Variants in SFRP1 observed in about 807,000 individuals in gnomAD.
SFRP1 encodes secreted frizzled-related protein 1.
Under a neutral mutation model 25.9 loss-of-function variants are expected in SFRP1, and 9 were observed. That is an observed-to-expected ratio of 0.35 (90% CI 0.21 to 0.61). The LOEUF is 0.61. Ranked by LOEUF, SFRP1 falls within the 20% of genes least tolerant of loss-of-function variation. The probability of loss-of-function intolerance (pLI) is 0.78; values close to 1 mark genes in which losing one functional copy is unlikely to be tolerated. For synonymous variants in SFRP1, 178 were observed against 174.0 expected (o/e 1.02, Z -0.18); for missense variants, 346 against 418.2 (o/e 0.83, Z 1.51).
intron 1 of SFRP1, among the ~76,000 whole-genome samples, chr8:41,303,805 G>A (rs1803959168): frequency 6.6e-6 from 1 of 152,194 alleles, no homozygotes; most frequent in Non-Finnish European, 1.5e-5. Flanking sequence ...CTGGGTGGGT[G>A]CAGGTCACAT....
chr8:41,307,696 A>T (rs1013228787), intron 1 of SFRP1, among the ~76,000 whole-genome samples: 5 of 152,010 alleles, frequency 3.3e-5, no homozygotes, highest in African/African-American at 1.2e-4. Context: ...TTTTATCTTT[A>T]TATCTATTTC....
intron 1 of SFRP1, chr8:41,306,680 T>A (rs781567923): frequency 4.4e-6 from 7 of 1,587,410 alleles, no homozygotes; most frequent in Non-Finnish European, 6.0e-6. Flanking sequence ...CTCCCCACTT[T>A]TCTCTTTGCT....
intron 2 of SFRP1, among the ~76,000 whole-genome samples, chr8:41,297,051 T>G (rs1036291758): frequency 8.5e-5 from 13 of 152,206 alleles, no homozygotes; most frequent in Non-Finnish European, 1.0e-4. Flanking sequence ...TTGTGGGTTT[T>G]GTTTTGTTTT....
rs557789730 is a variant in SFRP1 at position 41,306,617 on chromosome 8, A to G, written c.544+1999T>C. Reference sequence around the variant, plus strand: ...GTGCCATCTCAGGGCAGAGCCCCCCACCAAAACCACTGAGGGGAAAACCAG... The same window carrying G: ...GTGCCATCTCAGGGCAGAGCCCCCCGCCAAAACCACTGAGGGGAAAACCAG... On this transcript the variant is annotated intron_variant, in intron 1 of 2. Transcript: ENST00000220772. 1.5e-4 allele frequency: 207 copies of G among 1,379,050 alleles called. No homozygotes were observed. The East Asian group carries it at 5.0e-3, about 33-fold the overall frequency. 85.4% of individuals were successfully genotyped at this position (1,379,050 alleles called of 1,614,324 possible).
In SFRP1 at chr8:41,309,077, A is replaced by G; in HGVS notation, c.83T>C (p.Val28Ala). 1 of 1,596,864 alleles carries G rather than the reference A, an allele frequency of 6.3e-7. No homozygotes were observed. The highest frequency in any genetic ancestry group is 8.5e-7 in the Non-Finnish European group (1 of 1,177,930). The stretch of plus-strand genomic sequence containing the variant: ...GTAGTCGTACTCGCTGGCCGAGCCC[A>G]CGGCCAGAAGCGCCGCGCCCAGCGC... ...LLALGAALLA[V>A]GSASEYDYVS... The change falls in exon 1 of 3, where the codon GTG (valine) becomes GCG (alanine). Residue 28 changes from valine (V) to alanine (A), a missense_variant. Val to Ala is a moderately conservative substitution (Grantham distance 64, BLOSUM62 0). Transcript: ENST00000220772.
intron 2 of SFRP1, among the ~76,000 whole-genome samples, chr8:41,299,049 C>A (rs1317026325): frequency 6.6e-6 from 1 of 152,052 alleles, no homozygotes; most frequent in East Asian, 1.9e-4. Flanking sequence ...AAGCCAGATG[C>A]AAAAGGACAA....
chr8:41,295,744 AT>A lies in SFRP1; in HGVS notation c.622+7716del, dbSNP rs375196464. Among the ~76,000 whole-genome samples, 844 of 144,684 alleles carry A rather than the reference AT, an allele frequency of 5.8e-3. 6 individuals are homozygous for A. The highest frequency in any genetic ancestry group is 0.012 in the African/African-American group (467 of 39,516). The allele number at this position is 144,684 out of a possible 152,430, so 94.9% of individuals were successfully genotyped here. A position where few individuals can be genotyped will look rare whatever the true frequency, so the allele number is the denominator to read the frequency against. ...GAGACACTGGGGGAGTATCTGCAGC[AT>A]TTTTTTTTTTTTGCCACTGTCATTA... On this transcript the variant is annotated intron_variant, in intron 2 of 2. Transcript: ENST00000220772.
intron 1 of SFRP1, chr8:41,306,874 C>T: frequency 6.3e-7 from 1 of 1,595,744 alleles, no homozygotes; most frequent in Non-Finnish European, 8.5e-7. Context: ...CTTTTGGGGG[C>T]TGGGGTGAGG....
chr8:41,299,027 T>G (rs925022588), intron 2 of SFRP1, among the ~76,000 whole-genome samples: 17 of 152,136 alleles, frequency 1.1e-4, no homozygotes, highest in African/African-American at 3.6e-4. Flanking sequence ...GAGGACATGA[T>G]GCATAACACA....
chr8:41,262,053 A>C lies in SFRP1; in HGVS notation c.*3114T>G, dbSNP rs1803382053. On this transcript the variant is annotated 3_prime_UTR_variant, in exon 3 of 3. Transcript: ENST00000220772. ...TGAACACGTACGGGAATTACTATTA[A>C]CATAAGCGATAACATCAAAACATCT... 6.6e-6 allele frequency: 1 copy of C among 152,530 alleles called. No homozygotes were observed. Among genetic ancestry groups the C allele is most frequent in the African/African-American group, 2.4e-5 (1 of 41,466 alleles). 9.4% of individuals were successfully genotyped at this position (152,530 alleles called of 1,614,324 possible). A position where few individuals can be genotyped will look rare whatever the true frequency, so the allele number is the denominator to read the frequency against.
chr8:41,283,415 G>A lies in SFRP1; in HGVS notation c.623-17926C>T, dbSNP rs555462463. ...CCGTGAGACCATCTAGACAGAAAAC[G>A]TGCAGGCCCCCGATTGCTGTTTCAG... On this transcript the variant is annotated intron_variant, in intron 2 of 2. Transcript: ENST00000220772. Among the ~76,000 whole-genome samples the A allele has an allele frequency of 3.3e-5, 5 of 152,220 alleles. No homozygotes were observed. The East Asian group carries it at 5.8e-4, about 18-fold the overall frequency.
chr8:41,291,218 A>G (rs4373504), intron 2 of SFRP1, among the ~76,000 whole-genome samples: 1 of 151,472 alleles, frequency 6.6e-6, no homozygotes, highest in Non-Finnish European at 1.5e-5. Context: ...TTTTTTGAGG[A>G]CTTTTTTAAA....
Position 41,303,451 on chromosome 8 carries a change from G to A in SFRP1, c.622+10C>T, listed in dbSNP as rs200489767. 106 of 1,610,758 alleles carry A rather than the reference G, an allele frequency of 6.6e-5. No individual in the cohort carries two copies. The highest frequency in any genetic ancestry group is 1.7e-4 in the Middle Eastern group (1 of 6,054). On this transcript the variant is annotated intron_variant, in intron 2 of 2. Coordinates refer to ENST00000220772, the MANE Select transcript of SFRP1 (RefSeq NM_003012.5). ...AAACCTTCCAGAGGCAGCTAGAAAC[G>A]CTTTCTTACCAAACTCGCTGGCACA...
intron 2 of SFRP1, among the ~76,000 whole-genome samples, chr8:41,271,847 C>T (rs13272971): frequency 0.29 from 43,427 of 151,554 alleles, 7,226 homozygotes; most frequent in Middle Eastern, 0.38. Context: ...GCCTGTAGTC[C>T]CAGCTACTCA....
At chr8:41,267,196 C>A (rs955387563) in intron 2 of SFRP1, among the ~76,000 whole-genome samples, 7 of 152,228 alleles carry the variant, frequency 4.6e-5, no homozygotes, top group Admixed American at 2.6e-4. Context: ...TCTCAACTCC[C>A]AGGAGTGTGG....
At chr8:41,305,487 G>A (rs932945433) in intron 1 of SFRP1, among the ~76,000 whole-genome samples, 5 of 152,092 alleles carry the variant, frequency 3.3e-5, no homozygotes, top group African/African-American at 4.8e-5. Flanking sequence ...CTTTTCTAAC[G>A]GCTGACTCTG....
chr8:41,289,839 C>T (rs1169195715), intron 2 of SFRP1, among the ~76,000 whole-genome samples: 6 of 152,242 alleles, frequency 3.9e-5, no homozygotes, highest in African/African-American at 1.4e-4. Flanking sequence ...GAAATCCCTC[C>T]TGGGCTTCTC....
At chr8:41,288,078 C>T (rs957475818) in intron 2 of SFRP1, among the ~76,000 whole-genome samples, 9 of 151,930 alleles carry the variant, frequency 5.9e-5, no homozygotes, top group South Asian at 4.1e-4. Context: ...TTAAATTTGG[C>T]CAGGCACAGT....
intron 1 of SFRP1, among the ~76,000 whole-genome samples, chr8:41,308,110 A>G (rs1011702115): frequency 1.3e-5 from 2 of 152,180 alleles, no homozygotes; most frequent in African/African-American, 4.8e-5. Context: ...TATTTTTTAA[A>G]TCTTTGTCGA....
Sources: gnomAD v4.1 joint callset for allele counts (sites outside exome capture counted in the v4.1 genomes callset) on GRCh38, gnomAD v4.1.1 for gene constraint, MANE v1.5 for transcripts, NCBI Gene and HGNC (gene_info 2026-07-23, HGNC 2026-07-21) for gene names.